Variants in BCAS4 observed in about 807,000 individuals in gnomAD.
The protein encoded by BCAS4 is breast carcinoma-amplified sequence 4.
BCAS4 carries 9 observed loss-of-function variants against 15.7 expected under a neutral mutation model. That is an observed-to-expected ratio of 0.57 (90% CI 0.34 to 1.00). The LOEUF is 1.00. Among genes scored for constraint, BCAS4 ranks in the 50% least tolerant of loss-of-function variants. BCAS4 has a pLI of 0.02. For missense variants in BCAS4, 225 were observed against 239.1 expected (o/e 0.94, Z 0.39); for synonymous variants, 101 against 99.5 (o/e 1.02, Z -0.09).
chr20:50,813,049 G>A (rs2088091098), intron 1 of BCAS4, among the ~76,000 whole-genome samples: 1 of 151,012 alleles, frequency 6.6e-6, no homozygotes, highest in African/African-American at 2.4e-5. Context: ...GAACTCCTGG[G>A]CTTAAGTGAT....
intron 4 of BCAS4, among the ~76,000 whole-genome samples, chr20:50,861,640 G>A (rs895178749): frequency 1.3e-5 from 2 of 152,088 alleles, no homozygotes; most frequent in Non-Finnish European, 2.9e-5. Context: ...TTGCTTGGGC[G>A]CAGAGAGTCC....
At chr20:50,860,746 C>T (rs767787866) in intron 4 of BCAS4, among the ~76,000 whole-genome samples, 1 of 152,090 alleles carries the variant, frequency 6.6e-6, no homozygotes, top group African/African-American at 2.4e-5. Flanking sequence ...TGTGAAGGCA[C>T]ACACCTGCAA....
At chr20:50,852,556 A>G (rs536244629) in intron 4 of BCAS4, among the ~76,000 whole-genome samples, 1 of 151,572 alleles carries the variant, frequency 6.6e-6, no homozygotes, top group African/African-American at 2.4e-5. Context: ...TAATTTTTGT[A>G]TTTTTAGTAG....
chr20:50,872,652 G>T (rs1025544400), intron 4 of BCAS4, among the ~76,000 whole-genome samples: 3 of 151,820 alleles, frequency 2.0e-5, no homozygotes, highest in African/African-American at 7.3e-5. Flanking sequence ...CGGAAACAGC[G>T]CCCACCCATG....
intron 3 of BCAS4, among the ~76,000 whole-genome samples, chr20:50,837,872 G>C (rs141073742): frequency 6.6e-6 from 1 of 152,186 alleles, no homozygotes; most frequent in Admixed American, 6.5e-5. Flanking sequence ...CGGCACTTTC[G>C]TCTGAGTTTT....
chr20:50,845,511 G>C (rs957353707), intron 4 of BCAS4, among the ~76,000 whole-genome samples: 1 of 152,128 alleles, frequency 6.6e-6, no homozygotes, highest in African/African-American at 2.4e-5. Context: ...CCTTCTCCCG[G>C]GGCCTGTTCC....
At chr20:50,833,330 G>A (rs983365274) in intron 3 of BCAS4, among the ~76,000 whole-genome samples, 4 of 152,224 alleles carry the variant, frequency 2.6e-5, no homozygotes, top group African/African-American at 9.6e-5. Flanking sequence ...TTTATCCTGA[G>A]GAGGAGGAAG....
At chr20:50,828,943 C>T (rs777359686) in intron 2 of BCAS4, among the ~76,000 whole-genome samples, 4 of 152,112 alleles carry the variant, frequency 2.6e-5, no homozygotes, top group Admixed American at 1.3e-4. Flanking sequence ...AGTATCCCAG[C>T]GAAAGAAGGA....
At chr20:50,861,698 G>A (rs977573572) in intron 4 of BCAS4, among the ~76,000 whole-genome samples, 7 of 151,722 alleles carry the variant, frequency 4.6e-5, no homozygotes, top group Admixed American at 1.3e-4. Context: ...ATCTCCCCCC[G>A]CTCCAGCCCC....
Position 50,876,564 on chromosome 20 carries a change from G to A in BCAS4, c.478G>A (p.Gly160Arg), listed in dbSNP as rs369518803. 34 of 1,613,960 alleles carry A rather than the reference G, an allele frequency of 2.1e-5. No homozygotes were observed. Among genetic ancestry groups the A allele is most frequent in the Non-Finnish European group, 2.9e-5 (34 of 1,179,932 alleles). The change falls in exon 5 of 5, where the codon GGG (glycine) becomes AGG (arginine). Residue 160 changes from glycine (G) to arginine (R), a missense_variant. Transcript: ENST00000371608. ...RTEDYFPVDA[G>R]EAQHHPRTCP... ...GGAGGACTATTTTCCTGTGGACGCCGGGGAAGCACAGCACCACCCCCGCAC... is the reference window on the plus strand; with the variant it reads ...GGAGGACTATTTTCCTGTGGACGCCAGGGAAGCACAGCACCACCCCCGCAC...
chr20:50,857,903 C>T (rs1268299764), intron 4 of BCAS4, among the ~76,000 whole-genome samples: 1 of 152,216 alleles, frequency 6.6e-6, no homozygotes, highest in Non-Finnish European at 1.5e-5. Context: ...ATGTTCTCCT[C>T]TTTCCCTCTG....
chr20:50,840,864 T>C, intron 3 of BCAS4: 2 of 820,308 alleles, frequency 2.4e-6, no homozygotes, highest in African/African-American at 1.7e-5. Context: ...AGTTTCACTC[T>C]TGTCGCGCAG....
At chr20:50,798,319 A>T (rs2087890644) in intron 1 of BCAS4, among the ~76,000 whole-genome samples, 1 of 152,126 alleles carries the variant, frequency 6.6e-6, no homozygotes, top group Non-Finnish European at 1.5e-5. Context: ...AAACAAAAAA[A>T]ACCCAAAAGA....
chr20:50,870,549 C>T (rs1979586241), intron 4 of BCAS4, among the ~76,000 whole-genome samples: 1 of 152,188 alleles, frequency 6.6e-6, no homozygotes, highest in East Asian at 1.9e-4. Flanking sequence ...CGGCCAGACG[C>T]AGCAGGTTAC....
chr20:50,868,251 C>T (rs1201300730), intron 4 of BCAS4, among the ~76,000 whole-genome samples: 1 of 152,214 alleles, frequency 6.6e-6, no homozygotes, highest in Non-Finnish European at 1.5e-5. Context: ...TCTTTCCCCA[C>T]TTTCCATACC....
At position 50,841,541 on chromosome 20, in the gene BCAS4, A is replaced by T. The variant is rs544296605; in HGVS notation, c.265-225A>T. 1.2e-4 allele frequency among the ~76,000 whole-genome samples: 19 copies of T among 152,034 alleles called. No individual in the cohort carries two copies. In the South Asian group the frequency reaches 3.1e-3, roughly 25 times the overall value. ...AATGGAGGCTAAGAACAGGGTCCCT[A>T]TGGGGAAAAAGCAAGAGGCCACCAG... On this transcript the variant is annotated intron_variant, in intron 3 of 4. Coordinates refer to ENST00000371608, the MANE Select transcript of BCAS4 (RefSeq NM_198799.4).
At chr20:50,808,111 A>C (rs972791241) in intron 1 of BCAS4, among the ~76,000 whole-genome samples, 1 of 151,546 alleles carries the variant, frequency 6.6e-6, no homozygotes, top group Non-Finnish European at 1.5e-5. Context: ...ATGGGGTTTC[A>C]CCATGTTAGC....
At chr20:50,858,717 T>C (rs891854119) in intron 4 of BCAS4, among the ~76,000 whole-genome samples, 1 of 149,214 alleles carries the variant, frequency 6.7e-6, no homozygotes, top group Non-Finnish European at 1.5e-5. Context: ...CTTTTTTTTT[T>C]TTCTTGAATT....
chr20:50,856,270 T>C, intron 4 of BCAS4, among the ~76,000 whole-genome samples: 1 of 152,186 alleles, frequency 6.6e-6, no homozygotes, highest in Admixed American at 6.5e-5. Context: ...AGTACTTGGC[T>C]CTGTTCCTGG....
Sources: allele counts gnomAD v4.1 joint callset (sites outside exome capture counted in the v4.1 genomes callset), GRCh38; gene constraint gnomAD v4.1.1; transcripts MANE v1.5; gene names NCBI Gene and HGNC (gene_info 2026-07-23, HGNC 2026-07-21).